The following PRKCQ variants were observed in gnomAD, a reference collection of about 807,000 sequenced individuals.
The protein encoded by PRKCQ is protein kinase C theta, also known as protein kinase C theta type.
Under a neutral mutation model 91.2 loss-of-function variants are expected in PRKCQ, and 41 were observed. The ratio of observed to expected loss-of-function variants is 0.45; its 90% CI spans 0.35 to 0.58. The LOEUF (loss-of-function observed/expected upper bound fraction) is 0.58. Ranked by LOEUF, PRKCQ falls within the 20% of genes least tolerant of loss-of-function variation. The probability of loss-of-function intolerance (pLI) is 0.00; values close to 1 mark genes in which losing one functional copy is unlikely to be tolerated. For missense variants in PRKCQ, 673 were observed against 896.5 expected (o/e 0.75, Z 3.18); for synonymous variants, 307 against 316.9 (o/e 0.97, Z 0.33).
At chr10:6,447,225 G>A (rs1485863106) in intron 15 of PRKCQ, among the ~76,000 whole-genome samples, 1 of 152,082 alleles carries the variant, frequency 6.6e-6, no homozygotes, top group Admixed American at 6.6e-5. Flanking sequence ...TGGCCAACAT[G>A]GTGAAACCCT....
rs764972206 is a variant in PRKCQ at position 6,576,613 on chromosome 10, T to C, written c.-10+3598A>G. Among the ~76,000 whole-genome samples, 12 of 152,212 alleles carry C rather than the reference T, an allele frequency of 7.9e-5. No individual in the cohort carries two copies. Among genetic ancestry groups the C allele is most frequent in the Non-Finnish European group, 1.6e-4 (11 of 68,034 alleles). ...GTTTTAGGAGATGAGAAGAATCCTG[T>C]GGATGGATGATGGCAATGGTTGCAA... On this transcript the variant is annotated intron_variant, in intron 1 of 17. Transcript: ENST00000263125. This position sits in a 1 kb window ranked among gnomAD's most constrained non-coding sequence, Gnocchi z 4.2.
chr10:6,577,131 C>T (rs1015564174), intron 1 of PRKCQ, among the ~76,000 whole-genome samples: 10 of 152,056 alleles, frequency 6.6e-5, no homozygotes, highest in Admixed American at 2.0e-4. Context: ...GATGTCCTGC[C>T]AAATACTTGC....
Position 6,497,189 on chromosome 10 carries a change from A to T in PRKCQ, c.574+31T>A. The T allele has an allele frequency of 2.5e-6, 4 of 1,614,198 alleles. No homozygotes were observed. Among genetic ancestry groups the T allele is most frequent in the Non-Finnish European group, 3.4e-6 (4 of 1,179,996 alleles). On this transcript the variant is annotated intron_variant, in intron 6 of 17. Transcript: ENST00000263125. This position sits in a 1 kb window ranked among gnomAD's most constrained non-coding sequence, Gnocchi z 4.5. ...AAGGAATAACTAAATAAAAAGAATG[A>T]TGGTAATGCAACCAAAACCCTCTTA...
chr10:6,527,892 G>GT (rs767166182), intron 1 of PRKCQ, among the ~76,000 whole-genome samples: 1 of 152,144 alleles, frequency 6.6e-6, no homozygotes, highest in Non-Finnish European at 1.5e-5. Flanking sequence ...ACTGAGTTCT[G>GT]TTTTAGGAAC....
chr10:6,557,759 T>C (rs548809814), intron 1 of PRKCQ, among the ~76,000 whole-genome samples: 1 of 152,258 alleles, frequency 6.6e-6, no homozygotes, highest in African/African-American at 2.4e-5. Context: ...GAAACAAACA[T>C]GAATTCTACT....
intron 1 of PRKCQ, among the ~76,000 whole-genome samples, chr10:6,518,289 G>A (rs945665124): frequency 2.0e-5 from 3 of 152,086 alleles, no homozygotes; most frequent in Admixed American, 2.0e-4. Flanking sequence ...ATATGAAAAA[G>A]CTGCATATTA....
intron 1 of PRKCQ, among the ~76,000 whole-genome samples, chr10:6,518,419 C>A (rs1939932915): frequency 6.6e-6 from 1 of 152,104 alleles, no homozygotes; most frequent in South Asian, 2.1e-4. Context: ...TAGGCAAACA[C>A]AGCTGAGAAT....
chr10:6,517,445 A>AT (rs996481388), intron 1 of PRKCQ, among the ~76,000 whole-genome samples: 1 of 151,382 alleles, frequency 6.6e-6, no homozygotes, highest in African/African-American at 2.4e-5. Context: ...TTTCTCTGAC[A>AT]TTTTCTCAGG....
chr10:6,453,148 G>A (rs1417739544), intron 15 of PRKCQ, among the ~76,000 whole-genome samples: 4 of 150,194 alleles, frequency 2.7e-5, no homozygotes, highest in Admixed American at 6.6e-5. Context: ...CCTACAAAAT[G>A]GGAGAAAATT....
chr10:6,543,364 TC>T (rs1417760346), intron 1 of PRKCQ, among the ~76,000 whole-genome samples: 1 of 151,972 alleles, frequency 6.6e-6, no homozygotes, highest in African/African-American at 2.4e-5. Flanking sequence ...TCTTTCAGTC[TC>T]CAGACAGAGG....
At chr10:6,429,689 A>T (rs894371051) in intron 17 of PRKCQ, among the ~76,000 whole-genome samples, 1 of 152,192 alleles carries the variant, frequency 6.6e-6, no homozygotes, top group Non-Finnish European at 1.5e-5. Flanking sequence ...ATTGTGATAT[A>T]CATAACTTAA....
At position 6,430,594 on chromosome 10, in the gene PRKCQ, C is replaced by T. The variant is rs549925837; in HGVS notation, c.1965+216G>A. Among the ~76,000 whole-genome samples the T allele has an allele frequency of 2.3e-4, 35 of 152,278 alleles. No individual in the cohort carries two copies. The South Asian group carries it at 5.8e-3, about 25-fold the overall frequency. On this transcript the variant is annotated intron_variant, in intron 17 of 17. Transcript: ENST00000263125. This position sits in a 1 kb window ranked among gnomAD's most constrained non-coding sequence, Gnocchi z 4.7. ...CATTCTTCATGCAGGCGCATCTTGA[C>T]GACAGAGATTAAATTTTGCAAACAA...
chr10:6,479,797 C>CAAAAAAAA (rs1330272019), intron 11 of PRKCQ, among the ~76,000 whole-genome samples: 1 of 121,408 alleles, frequency 8.2e-6, no homozygotes. Flanking sequence ...AAAAAAAAAT[C>CAAAAAAAA]CAAAAATTAG....
At chr10:6,572,957 G>C (rs1286066687) in intron 1 of PRKCQ, among the ~76,000 whole-genome samples, 1 of 151,994 alleles carries the variant, frequency 6.6e-6, no homozygotes, top group African/African-American at 2.4e-5. Flanking sequence ...AACTGATTGT[G>C]GTTTTGATTT....
the PRKCQ span, among the ~76,000 whole-genome samples, chr10:6,411,772 G>C: frequency 6.6e-6 from 1 of 152,250 alleles, no homozygotes; most frequent in East Asian, 1.9e-4. Flanking sequence ...ATTATGAGTT[G>C]GCTACTCATC....
intron 1 of PRKCQ, among the ~76,000 whole-genome samples, chr10:6,545,698 A>G (rs1341949026): frequency 6.6e-6 from 1 of 152,170 alleles, no homozygotes; most frequent in Non-Finnish European, 1.5e-5. Flanking sequence ...GAATGTTCTC[A>G]TGTCCCTGAA....
chr10:6,579,765 TACATTCCCAGA>T (rs1841392900), intron 1 of PRKCQ, among the ~76,000 whole-genome samples: 1 of 147,074 alleles, frequency 6.8e-6, no homozygotes, highest in Non-Finnish European at 1.5e-5. Context: ...CGTGCTCCAA[TACATTCCCAGA>T]AAAGGGGTTA....
At chr10:6,529,863 GTGTT>G (rs1839328631) in intron 1 of PRKCQ, among the ~76,000 whole-genome samples, 2 of 152,190 alleles carry the variant, frequency 1.3e-5, no homozygotes, top group East Asian at 3.8e-4. Flanking sequence ...GCGTATGACA[GTGTT>G]TGGTGGAAAA....
At chr10:6,501,761 T>C (rs1486659135) in intron 4 of PRKCQ, among the ~76,000 whole-genome samples, 2 of 151,182 alleles carry the variant, frequency 1.3e-5, no homozygotes, top group Non-Finnish European at 2.9e-5. Context: ...GAGGCGGAGG[T>C]TGCGGCGAGC....
Sources: allele counts gnomAD v4.1 joint callset (sites outside exome capture counted in the v4.1 genomes callset), GRCh38; gene constraint gnomAD v4.1.1; non-coding constraint Gnocchi (gnomAD v3.1); transcripts MANE v1.5; gene names NCBI Gene and HGNC (gene_info 2026-07-23, HGNC 2026-07-21).